The following ERC1 variants were observed in gnomAD, a reference collection of about 807,000 sequenced individuals.
The protein encoded by ERC1 is RAB6 interacting protein 2.
ERC1 carries 56 observed loss-of-function variants against 132.0 expected under a neutral mutation model. The observed-to-expected ratio is 0.42, with a 90% CI of 0.34 to 0.53. The LOEUF is 0.53. ERC1 is among the 20% of genes least tolerant of loss of function. The pLI is 0.03. For synonymous variants in ERC1, 478 were observed against 476.1 expected (o/e 1.00, Z -0.05); for missense variants, 1,202 against 1,349.9 (o/e 0.89, Z 1.72).
intron 16 of ERC1, among the ~76,000 whole-genome samples, chr12:1,404,032 A>G (rs2091283562): frequency 6.6e-6 from 1 of 152,234 alleles, no homozygotes. Flanking sequence ...AAATTAGCCT[A>G]CATCTTTTCA....
At position 1,173,134 on chromosome 12, in the gene ERC1, TAAG is replaced by T. The variant is rs573806809; in HGVS notation, c.1738-7403_1738-7401del. Among the ~76,000 whole-genome samples the T allele has an allele frequency of 3.2e-3, 483 of 152,360 alleles. 3 individuals are homozygous for T. Among genetic ancestry groups the T allele is most frequent in the African/African-American group, 0.01 (431 of 41,588 alleles). Reference sequence around the variant, plus strand: ...ACTATATTAATAAACACTATAATCATAAGAAATCATTTATGGAAAGATGCTTTA... The same window carrying T: ...ACTATATTAATAAACACTATAATCATAAATCATTTATGGAAAGATGCTTTA... On this transcript the variant is annotated intron_variant, in intron 8 of 18. Coordinates refer to ENST00000360905, the MANE Select transcript of ERC1 (RefSeq NM_178040.4).
rs892798197 is a variant in ERC1 at position 1,371,711 on chromosome 12, G to C, written c.2781-122G>C. On this transcript the variant is annotated intron_variant, in intron 15 of 18. Transcript: ENST00000360905. Reference sequence around the variant, plus strand: ...CAAAGAATTGTTGGAAGGGGTGAATGGCGCTGTTGGCGTTTGCTTTCTTGG... The same window carrying C: ...CAAAGAATTGTTGGAAGGGGTGAATCGCGCTGTTGGCGTTTGCTTTCTTGG... 68 of 1,274,530 alleles carry C rather than the reference G, an allele frequency of 5.3e-5. 4 individuals are homozygous for C. In the Middle Eastern group the frequency reaches 8.8e-4, roughly 17 times the overall value. The allele number at this position is 1,274,530 out of a possible 1,614,324, so 79.0% of individuals were successfully genotyped here. A position where few individuals can be genotyped will look rare whatever the true frequency, so the allele number is the denominator to read the frequency against.
At chr12:1,147,103 C>T (rs1593704498) in intron 8 of ERC1, among the ~76,000 whole-genome samples, 2 of 152,192 alleles carry the variant, frequency 1.3e-5, no homozygotes. Context: ...TGTGTCTTTA[C>T]AGCAGCATGA....
chr12:1,163,407 A>G (rs571911978), intron 8 of ERC1, among the ~76,000 whole-genome samples: 1 of 152,372 alleles, frequency 6.6e-6, no homozygotes, highest in Admixed American at 6.5e-5. Flanking sequence ...TAATCTAGAA[A>G]TAATAAACTT....
chr12:1,447,243 C>T (rs922258602), intron 18 of ERC1, among the ~76,000 whole-genome samples: 1 of 151,178 alleles, frequency 6.6e-6, no homozygotes, highest in Non-Finnish European at 1.5e-5. Context: ...TGCTACTGGG[C>T]ACAGTGGCTC....
intron 16 of ERC1, among the ~76,000 whole-genome samples, chr12:1,388,424 C>T (rs1207184909): frequency 2.0e-5 from 3 of 151,474 alleles, no homozygotes; most frequent in Non-Finnish European, 4.4e-5. Context: ...TCATTGTGGC[C>T]AGGGTTGCTG....
rs201742991 is a variant in ERC1, at chr12:1,309,105, CTG to C, written c.2780+19096_2780+19097del. Reference sequence around the variant, plus strand: ...ATTTTAGGCTTTCCAGCCTCTGGAACTGTGAGAAGTAATTTTTTGTTGTTTAT... The same window carrying C: ...ATTTTAGGCTTTCCAGCCTCTGGAACTGAGAAGTAATTTTTTGTTGTTTAT... On this transcript the variant is annotated intron_variant, in intron 15 of 18. Coordinates refer to ENST00000360905, the MANE Select transcript of ERC1 (RefSeq NM_178040.4). Among the ~76,000 whole-genome samples the C allele has an allele frequency of 6.1e-3, 924 of 152,332 alleles. 10 individuals are homozygous for C. The highest frequency in any genetic ancestry group is 0.021 in the African/African-American group (872 of 41,576).
chr12:1,333,258 A>G (rs186034902), intron 15 of ERC1, among the ~76,000 whole-genome samples: 12 of 151,106 alleles, frequency 7.9e-5, no homozygotes, highest in Middle Eastern at 6.9e-3. Context: ...AGCTCCATCC[A>G]TGTGCCTGCA....
At chr12:1,414,425 C>T (rs1242839737) in intron 17 of ERC1, among the ~76,000 whole-genome samples, 1 of 152,114 alleles carries the variant, frequency 6.6e-6, no homozygotes, top group East Asian at 1.9e-4. Flanking sequence ...AGGGCTCCAC[C>T]CTCAGGACCT....
intron 18 of ERC1, among the ~76,000 whole-genome samples, chr12:1,463,071 T>C (rs1375617575): frequency 6.6e-6 from 1 of 152,192 alleles, no homozygotes; most frequent in Non-Finnish European, 1.5e-5. Context: ...AGTCCCATTT[T>C]TAATTTTCAG....
intron 15 of ERC1, among the ~76,000 whole-genome samples, chr12:1,344,709 A>G (rs1483489475): frequency 6.6e-6 from 1 of 152,170 alleles, no homozygotes; most frequent in African/African-American, 2.4e-5. Context: ...AGGGCCTGCC[A>G]TGTGCCAGAT....
chr12:1,266,757 T>G (rs2077511285), intron 14 of ERC1, among the ~76,000 whole-genome samples: 1 of 152,196 alleles, frequency 6.6e-6, no homozygotes, highest in Non-Finnish European at 1.5e-5. Context: ...GTACGTTAAT[T>G]ATATGTACTG....
chr12:1,381,374 CAG>C (rs139702026), intron 16 of ERC1: 9,541 of 152,128 alleles, frequency 0.063, 368 homozygotes, highest in East Asian at 0.13. Context: ...TTAATAAAGA[CAG>C]AGACTCACTC....
chr12:1,026,162 C>T (rs1193944247), intron 1 of ERC1, among the ~76,000 whole-genome samples: 1 of 152,028 alleles, frequency 6.6e-6, no homozygotes, highest in Admixed American at 6.6e-5. Context: ...TGGCAGAAGG[C>T]GAATGAGGAG....
intron 13 of ERC1, among the ~76,000 whole-genome samples, chr12:1,251,357 T>C (rs569495727): frequency 6.6e-6 from 1 of 152,300 alleles, no homozygotes; most frequent in Admixed American, 6.5e-5. Flanking sequence ...CCTATTTAAA[T>C]GTTTAATCCT....
chr12:1,146,431 A>G (rs996878194), intron 8 of ERC1, among the ~76,000 whole-genome samples: 10 of 137,532 alleles, frequency 7.3e-5, no homozygotes, highest in Admixed American at 4.2e-4. Flanking sequence ...TTAATTTTGT[A>G]TCCTGAAACT....
intron 7 of ERC1, among the ~76,000 whole-genome samples, chr12:1,121,367 C>T (rs775181994): frequency 1.3e-5 from 2 of 152,096 alleles, no homozygotes; most frequent in Non-Finnish European, 2.9e-5. Context: ...TGTGCATAGA[C>T]GACCATGACT....
intron 18 of ERC1, among the ~76,000 whole-genome samples, chr12:1,472,104 T>C (rs1452506230): frequency 6.6e-6 from 1 of 152,122 alleles, no homozygotes; most frequent in Non-Finnish European, 1.5e-5. Flanking sequence ...GGTCTCGTTG[T>C]TCCATTGTTG....
intron 15 of ERC1, among the ~76,000 whole-genome samples, chr12:1,300,019 G>A (rs1473831789): frequency 2.6e-5 from 4 of 152,066 alleles, no homozygotes; most frequent in Non-Finnish European, 5.9e-5. Context: ...GAAATCCTAA[G>A]CAAAAAGAAC....
Sources: gnomAD v4.1 joint callset for allele counts (sites outside exome capture counted in the v4.1 genomes callset) on GRCh38, gnomAD v4.1.1 for gene constraint, MANE v1.5 for transcripts, NCBI Gene and HGNC (gene_info 2026-07-23, HGNC 2026-07-21) for gene names.